Variants in RELL1 observed in about 807,000 individuals in gnomAD.
The protein encoded by RELL1 is RELT-like protein 1.
In RELL1, 10 loss-of-function variants were observed where a neutral mutation model predicts 23.0. The ratio of observed to expected loss-of-function variants is 0.43; its 90% CI spans 0.27 to 0.74. The LOEUF (loss-of-function observed/expected upper bound fraction) is 0.74. Among genes scored for constraint, RELL1 ranks in the 30% least tolerant of loss-of-function variants. RELL1 has a pLI of 0.19. For synonymous variants in RELL1, 146 were observed against 146.8 expected, an observed-to-expected ratio of 0.99 and a Z score of 0.04; for missense variants, 315 against 364.4, an observed-to-expected ratio of 0.86 and a Z score of 1.10.
chr4:37,649,854 AACACTACATG>A (rs1214443442), intron 1 of RELL1, among the ~76,000 whole-genome samples: 1 of 152,260 alleles, frequency 6.6e-6, no homozygotes, highest in East Asian at 1.9e-4. Context: ...TGAACACATA[AACACTACATG>A]TAACATTACA....
At chr4:37,586,535 G>C (rs942370331), downstream of RELL1, among the ~76,000 whole-genome samples, 2 of 152,168 alleles carry the variant, frequency 1.3e-5, no homozygotes, top group Admixed American at 1.3e-4. Flanking sequence ...AAGGGGTTTG[G>C]TCCTCAAGCA....
intron 1 of RELL1, chr4:37,665,212 G>A (rs1032503674): frequency 5.7e-5 from 26 of 456,044 alleles, no homozygotes; most frequent in African/African-American, 4.8e-4. Flanking sequence ...CACCCCATTT[G>A]CCAAATGCCA....
intron 1 of RELL1, 79 bp downstream of exon 1, chr4:37,686,121 C>G: frequency 1.7e-6 from 2 of 1,211,076 alleles, no homozygotes; most frequent in South Asian, 1.3e-5. Context: ...GCGGGGCTGC[C>G]GTCCCGACCC....
chr4:37,608,064 C>A (rs1719277289), downstream of RELL1, among the ~76,000 whole-genome samples: 1 of 152,138 alleles, frequency 6.6e-6, no homozygotes, highest in Non-Finnish European at 1.5e-5. Flanking sequence ...GAACTGTGCC[C>A]ACATAAAATG....
chr4:37,635,520 G>C (rs1325984609), intron 4 of RELL1, among the ~76,000 whole-genome samples: 1 of 152,136 alleles, frequency 6.6e-6, no homozygotes. Flanking sequence ...CCAGCTACTT[G>C]GGAGGCAGTG....
chr4:37,589,859 T>C (rs1011022951), downstream of RELL1, among the ~76,000 whole-genome samples: 9 of 152,214 alleles, frequency 5.9e-5, no homozygotes, highest in African/African-American at 1.9e-4. Flanking sequence ...CTCGAACTCC[T>C]GACCTCAAGT....
At chr4:37,636,629 A>C (rs1049487090) in intron 4 of RELL1, among the ~76,000 whole-genome samples, 2 of 150,988 alleles carry the variant, frequency 1.3e-5, no homozygotes, top group African/African-American at 4.9e-5. Context: ...TACATAGTCG[A>C]GATAAGAGCT....
chr4:37,681,706 T>C (rs1179515048), intron 1 of RELL1, among the ~76,000 whole-genome samples: 1 of 152,042 alleles, frequency 6.6e-6, no homozygotes, highest in Non-Finnish European at 1.5e-5. Context: ...TTTTTGTATT[T>C]CTAGTAGAGA....
intron 4 of RELL1, 52 bp downstream of exon 4, chr4:37,638,395 G>C (rs1472454215): frequency 1.3e-5 from 18 of 1,396,490 alleles, no homozygotes; most frequent in Middle Eastern, 3.5e-4. Flanking sequence ...CGCCATATCT[G>C]AGCAAGTAAC....
At chr4:37,680,716 C>T (rs547359765) in intron 1 of RELL1, among the ~76,000 whole-genome samples, 1 of 152,188 alleles carries the variant, frequency 6.6e-6, no homozygotes, top group South Asian at 2.1e-4. Context: ...ATCATGAGGT[C>T]AGAAGATCGA....
chr4:37,663,422 A>C (rs16993773), intron 1 of RELL1, among the ~76,000 whole-genome samples: 15,057 of 152,230 alleles, frequency 0.099, 1,645 homozygotes, highest in African/African-American at 0.28. Flanking sequence ...GTTTGAAGTG[A>C]CCTTAAAGCA....
At chr4:37,633,447 G>A (rs1031420058) in intron 5 of RELL1, among the ~76,000 whole-genome samples, 2 of 109,732 alleles carry the variant, frequency 1.8e-5, no homozygotes, top group African/African-American at 3.3e-5. Context: ...AAAAAAAAAA[G>A]GCATGTTGAA....
At position 37,611,738 on chromosome 4, in the gene RELL1, A is replaced by G. The variant is rs147189256; in HGVS notation, c.*1608T>C. ...TGTAAAATGTACAGTTATAAAAAAA[A>G]AAAAGAAAAAGAAAAGTTTGCCAGG... On this transcript the variant is annotated 3_prime_UTR_variant, in exon 7 of 7. Transcript: ENST00000454158. Among the ~76,000 whole-genome samples, 1 of 152,240 alleles carries G rather than the reference A, an allele frequency of 6.6e-6. No individual in the cohort carries two copies. The highest frequency in any genetic ancestry group is 6.5e-5 in the Admixed American group (1 of 15,292).
intron 6 of RELL1, among the ~76,000 whole-genome samples, chr4:37,617,081 A>T (rs1459237201): frequency 6.6e-6 from 1 of 152,230 alleles, no homozygotes; most frequent in Non-Finnish European, 1.5e-5. Flanking sequence ...CAATAGATTC[A>T]TGCTAATCTA....
chr4:37,682,229 G>T (rs1244280062), intron 1 of RELL1, among the ~76,000 whole-genome samples: 1 of 152,196 alleles, frequency 6.6e-6, no homozygotes, highest in Non-Finnish European at 1.5e-5. Flanking sequence ...AAAGAGTAAA[G>T]TGTCTACAGT....
At chr4:37,629,948 C>A (rs1720065857) in intron 6 of RELL1, among the ~76,000 whole-genome samples, 1 of 152,164 alleles carries the variant, frequency 6.6e-6, no homozygotes, top group Admixed American at 6.5e-5. Context: ...AAATCTCACT[C>A]CCGCCCCTGA....
downstream of RELL1, chr4:37,590,356 A>T (rs145167191): frequency 1.2e-6 from 2 of 1,613,766 alleles, no homozygotes; most frequent in Non-Finnish European, 1.7e-6. Flanking sequence ...TGTCAACGGC[A>T]TCGGCCCTGC....
At chr4:37,595,680 C>T (rs962383777) in intron 6 of RELL1, among the ~76,000 whole-genome samples, 3 of 151,906 alleles carry the variant, frequency 2.0e-5, no homozygotes, top group African/African-American at 7.3e-5. Context: ...CCTTCACTCT[C>T]AGACTACCCT....
chr4:37,668,424 G>A (rs1044066252), intron 1 of RELL1, among the ~76,000 whole-genome samples: 4 of 152,170 alleles, frequency 2.6e-5, no homozygotes, highest in African/African-American at 4.8e-5. Context: ...CGCTGTGTTG[G>A]CCAGGCTGGT....
Sources: allele counts gnomAD v4.1 joint callset (sites outside exome capture counted in the v4.1 genomes callset), GRCh38; gene constraint gnomAD v4.1.1; transcripts MANE v1.5; gene names NCBI Gene and HGNC (gene_info 2026-07-23, HGNC 2026-07-21).